ATP11B: variants seen among roughly 807,000 people sequenced by gnomAD.
ATP11B encodes the protein ATPase phospholipid transporting 11B (putative), also known as phospholipid-transporting ATPase IF.
ATP11B carries 81 observed loss-of-function variants against 157.8 expected under a neutral mutation model. The ratio of observed to expected loss-of-function variants is 0.51; its 90% CI spans 0.43 to 0.62. The LOEUF is 0.62. Ranked by LOEUF, ATP11B falls within the 20% of genes least tolerant of loss-of-function variation. The pLI is 0.00. For missense variants in ATP11B, 1,165 were observed against 1,402.2 expected (o/e 0.83, Z 2.70); for synonymous variants, 451 against 469.4 (o/e 0.96, Z 0.51).
intron 27 of ATP11B, among the ~76,000 whole-genome samples, chr3:182,898,147 A>G (rs1245091825): frequency 2.6e-5 from 4 of 152,152 alleles, no homozygotes; most frequent in Admixed American, 1.3e-4. Context: ...GTATATACAA[A>G]AACCCAAAAA....
intron 8 of ATP11B, chr3:182,843,716 G>A (rs1719235653): frequency 6.6e-6 from 1 of 152,150 alleles, no homozygotes; most frequent in South Asian, 2.1e-4. Flanking sequence ...ATCAGCTCTT[G>A]AGTTTCTAAT....
At chr3:182,812,035 T>G (rs1716699662) in intron 1 of ATP11B, among the ~76,000 whole-genome samples, 1 of 152,224 alleles carries the variant, frequency 6.6e-6, no homozygotes, top group Admixed American at 6.5e-5. Flanking sequence ...TTTCTACTTT[T>G]TTTTTGCATT....
chr3:182,877,157 A>G (rs1469960133), intron 19 of ATP11B, among the ~76,000 whole-genome samples: 4 of 152,116 alleles, frequency 2.6e-5, no homozygotes, highest in African/African-American at 9.7e-5. Context: ...ATACACTGTC[A>G]TAGTCCTATC....
rs1199913256 is a variant in ATP11B at position 182,887,572 on chromosome 3, ATTTCTC to A, written c.2716-8_2716-3del. 1 of 1,599,906 alleles carries A rather than the reference ATTTCTC, an allele frequency of 6.3e-7. No individual in the cohort carries two copies. Among genetic ancestry groups the A allele is most frequent in the East Asian group, 2.3e-5 (1 of 44,308 alleles). On this transcript the variant is annotated splice_polypyrimidine_tract_variant and splice_region_variant and intron_variant, in intron 23 of 29. Transcript: ENST00000323116. ...ATTCAGAAACTCAACATTCCTACCA[ATTTCTC>A]TTTCTAGACATTGTATGACAGCGTG...
chr3:182,807,505 C>A (rs938056777), intron 1 of ATP11B, among the ~76,000 whole-genome samples: 1 of 152,100 alleles, frequency 6.6e-6, no homozygotes, highest in African/African-American at 2.4e-5. Context: ...AACAGCGTGG[C>A]AAATTATTTT....
chr3:182,836,243 G>T, intron 5 of ATP11B, 99 bp from the exon 6 acceptor site: 1 of 1,565,764 alleles, frequency 6.4e-7, no homozygotes, highest in Non-Finnish European at 8.7e-7. Context: ...ACTTTCCTAT[G>T]CTAAAATACT....
At chr3:182,912,861 G>A (rs895222349) in intron 28 of ATP11B, among the ~76,000 whole-genome samples, 3 of 152,156 alleles carry the variant, frequency 2.0e-5, no homozygotes, top group African/African-American at 7.2e-5. Context: ...GATGTGTTAC[G>A]TAGGATGTTA....
At chr3:182,870,400 T>A (rs1344847208) in intron 17 of ATP11B, among the ~76,000 whole-genome samples, 1 of 152,210 alleles carries the variant, frequency 6.6e-6, no homozygotes, top group Non-Finnish European at 1.5e-5. Flanking sequence ...CTGCCTTCTT[T>A]AACAGTTTAT....
At chr3:182,820,863 ATTATCT>A (rs1355929262) in intron 2 of ATP11B, among the ~76,000 whole-genome samples, 1 of 152,188 alleles carries the variant, frequency 6.6e-6, no homozygotes, top group Non-Finnish European at 1.5e-5. Context: ...ATGCCAAAAA[ATTATCT>A]TTAGTTGCTA....
chr3:182,853,991 G>T (rs888325030), intron 10 of ATP11B, among the ~76,000 whole-genome samples: 1 of 152,154 alleles, frequency 6.6e-6, no homozygotes, highest in African/African-American at 2.4e-5. Flanking sequence ...CCATTCATGT[G>T]TGGGTTTGTT....
rs143551586 is a variant in ATP11B at position 182,893,363 on chromosome 3, C to G, written c.2983-3337C>G. 9.2e-5 allele frequency among the ~76,000 whole-genome samples: 14 copies of G among 152,158 alleles called. No homozygotes were observed. The East Asian group carries it at 2.7e-3, about 29-fold the overall frequency. ...CCCCTCCCACCCTTTTCCCTGAGCC[C>G]CAAAAGTTCATTGTCTCATTCATAT... On this transcript the variant is annotated intron_variant, in intron 25 of 29. Coordinates refer to ENST00000323116, the MANE Select transcript of ATP11B (RefSeq NM_014616.3).
At chr3:182,851,448 C>T (rs1404084449) in intron 10 of ATP11B, among the ~76,000 whole-genome samples, 3 of 152,078 alleles carry the variant, frequency 2.0e-5, no homozygotes, top group African/African-American at 7.2e-5. Context: ...TTCTCTTTAA[C>T]TTCTTGTGAT....
chr3:182,802,927 G>A (rs1470538763), intron 1 of ATP11B, among the ~76,000 whole-genome samples: 1 of 152,094 alleles, frequency 6.6e-6, no homozygotes, highest in African/African-American at 2.4e-5. Flanking sequence ...AGTTTTCTGT[G>A]ATAGCATATT....
Position 182,841,853 on chromosome 3 carries a change from C to T in ATP11B, c.657-222C>T, listed in dbSNP as rs564188297. 1.0e-3 allele frequency among the ~76,000 whole-genome samples: 151 copies of T among 151,414 alleles called. 3 individuals carry two copies. The highest frequency in any genetic ancestry group is 3.2e-3 in the African/African-American group (133 of 41,178). ...AATTAGCCAGGTGTGGTGGCGGGCA[C>T]GTGTAGTCCCAGCTACTCGGGAGAC... On this transcript the variant is annotated intron_variant, in intron 7 of 29. Coordinates refer to ENST00000323116, the MANE Select transcript of ATP11B (RefSeq NM_014616.3).
intron 21 of ATP11B, among the ~76,000 whole-genome samples, chr3:182,883,385 G>A (rs565880951): frequency 4.0e-5 from 6 of 151,792 alleles, no homozygotes; most frequent in African/African-American, 1.4e-4. Context: ...AGCCTCCCAA[G>A]TAGCTGGGAT....
At chr3:182,870,245 A>T (rs1322896103) in intron 17 of ATP11B, among the ~76,000 whole-genome samples, 9 of 152,232 alleles carry the variant, frequency 5.9e-5, no homozygotes, top group Non-Finnish European at 1.2e-4. Flanking sequence ...AAAATTTAAA[A>T]ATATAGGGGA....
At chr3:182,890,458 C>T (rs942762005) in intron 25 of ATP11B, among the ~76,000 whole-genome samples, 3 of 152,158 alleles carry the variant, frequency 2.0e-5, no homozygotes, top group African/African-American at 7.2e-5. Context: ...GTAACTTGGT[C>T]ATGGAGCTTA....
Position 182,889,427 on chromosome 3 carries a change from G to A in ATP11B, c.2861G>A (p.Arg954His), listed in dbSNP as rs143776237. Residue 954 changes from arginine to histidine, a missense_variant, in exon 25 of 30, where the codon CGC becomes CAC. Physicochemically the swap from Arg to His is conservative, Grantham distance 29. This residue lies in a region of ATP11B where 303 missense variants were observed against 296.3 expected (regional missense o/e 1.02). Coordinates refer to ENST00000323116, the MANE Select transcript of ATP11B (RefSeq NM_014616.3). Reference sequence around the variant, plus strand: ...TTTAACAGAGACATTAGTAAAAACCGCCTCTTAAGTATTAAAACATTTCTT... The same window carrying A: ...TTTAACAGAGACATTAGTAAAAACCACCTCTTAAGTATTAAAACATTTCTT... Reference protein sequence around the residue: ...PTLYRDISKNRLLSIKTFLYW... With the variant: ...PTLYRDISKNHLLSIKTFLYW... The A allele has an allele frequency of 5.5e-4, 866 of 1,564,960 alleles. 3 individuals carry two copies. In the East Asian group the frequency reaches 0.011, roughly 20 times the overall value.
chr3:182,888,101 G>A (rs2108568443), intron 24 of ATP11B, among the ~76,000 whole-genome samples: 1 of 152,288 alleles, frequency 6.6e-6, no homozygotes, highest in Admixed American at 6.5e-5. Context: ...ATCCAGAGGT[G>A]AGGACATTAA....
Sources: allele counts gnomAD v4.1 joint callset (sites outside exome capture counted in the v4.1 genomes callset), GRCh38; gene constraint gnomAD v4.1.1; regional missense constraint gnomAD v4.1.1; transcripts MANE v1.5; gene names NCBI Gene and HGNC (gene_info 2026-07-23, HGNC 2026-07-21).